Variants in ZNF398 observed in about 807,000 individuals in gnomAD.
ZNF398 encodes the protein zinc finger DNA binding protein ZER6.
A neutral mutation model predicts 41.9 loss-of-function variants in ZNF398; 18 were observed. That is an observed-to-expected ratio of 0.43 (90% confidence interval 0.30 to 0.64). The LOEUF (loss-of-function observed/expected upper bound fraction) is 0.64, where lower values mean the gene tolerates loss of function less well. Ranked by LOEUF, ZNF398 falls within the 30% of genes least tolerant of loss-of-function variation. The probability of loss-of-function intolerance (pLI) is 0.14; values close to 1 mark genes in which losing one functional copy is unlikely to be tolerated. For synonymous variants in ZNF398, 260 were observed against 308.8 expected (o/e 0.84, Z 1.66); for missense variants, 669 against 822.8 (o/e 0.81, Z 2.29).
chr7:149,155,719 T>A (rs1332814694), intron 2 of ZNF398, among the ~76,000 whole-genome samples: 2,712 of 37,576 alleles, frequency 0.072, 117 homozygotes, highest in African/African-American at 0.14. Flanking sequence ...TTTTTTTTTT[T>A]TTTTTTTTTT....
intron 4 of ZNF398, 63 bp from the exon 5 acceptor site, chr7:149,176,405 T>G (rs1568944): frequency 2.7e-6 from 3 of 1,116,388 alleles, no homozygotes; most frequent in Non-Finnish European, 4.1e-6. Flanking sequence ...GCAAACCAAC[T>G]TGATTATCTT....
intron 2 of ZNF398, among the ~76,000 whole-genome samples, chr7:149,163,432 G>A (rs897529056): frequency 1.4e-4 from 21 of 151,056 alleles, no homozygotes; most frequent in African/African-American, 4.9e-4. Context: ...AAGTACAATG[G>A]TGTGATCTCG....
chr7:149,136,185 A>C (rs150430645), intron 2 of ZNF398, among the ~76,000 whole-genome samples: 115 of 152,226 alleles, frequency 7.6e-4, no homozygotes, highest in African/African-American at 2.5e-3. Context: ...CTTTTAATTT[A>C]AAAGTAAAAT....
rs1030790662 is a variant in ZNF398 at position 149,167,628 on chromosome 7, T to C, written c.661+698T>C. ...TCCCATATAGTTATTTTTTTCTTTT[T>C]CTTTTCTTTTTTTTTTTTTTTTTTG... On this transcript the variant is annotated intron_variant, in intron 4 of 5. Transcript: ENST00000475153. Among the ~76,000 whole-genome samples the C allele has an allele frequency of 4.6e-5, 7 of 150,688 alleles. No individual in the cohort carries two copies. In the South Asian group the frequency reaches 1.5e-3, roughly 32 times the overall value.
chr7:149,151,154 C>G (rs961930473), intron 1 of ZNF398: 12 of 1,006,056 alleles, frequency 1.2e-5, no homozygotes, highest in African/African-American at 1.7e-5. Context: ...CCCCACTAAG[C>G]TTAGAAACCA....
At chr7:149,148,619 C>T (rs1012060810) in intron 1 of ZNF398, 4 of 358,442 alleles carry the variant, frequency 1.1e-5, no homozygotes, top group African/African-American at 8.9e-5. Context: ...ACTCTTGGAC[C>T]TGTTTTTCTT....
At chr7:149,145,290 T>C (rs1436709561), upstream of ZNF398, among the ~76,000 whole-genome samples, 3 of 152,154 alleles carry the variant, frequency 2.0e-5, no homozygotes, top group Admixed American at 1.3e-4. Context: ...ACCACACACA[T>C]GAAACCGCCC....
In ZNF398 at chr7:149,133,675, ATATACATATATATGTGTG is replaced by A. The variant is rs1466198819; in HGVS notation, c.-490+4736_-490+4753del. On this transcript the variant is annotated intron_variant, in intron 2 of 6. Coordinates refer to the ZNF398 transcript ENST00000426851. ...TTTAAATATATATATATATATATAT[ATATACATATATATGTGTG>A]TATATATATATACACACATATATAT... Among the ~76,000 whole-genome samples the A allele has an allele frequency of 8.7e-5, 4 of 46,190 alleles. No individual in the cohort carries two copies. In the East Asian group the frequency reaches 3.6e-3, roughly 41 times the overall value. 30.3% of individuals were successfully genotyped at this position (46,190 alleles called of 152,430 possible).
At chr7:149,134,175 C>G (rs942419439) in intron 2 of ZNF398, among the ~76,000 whole-genome samples, 2 of 151,198 alleles carry the variant, frequency 1.3e-5, no homozygotes, top group African/African-American at 4.9e-5. Context: ...AGCAATTCTC[C>G]TGCCTCAGCC....
intron 2 of ZNF398, among the ~76,000 whole-genome samples, chr7:149,156,723 T>C (rs1318514806): frequency 6.6e-6 from 1 of 151,334 alleles, no homozygotes; most frequent in Non-Finnish European, 1.5e-5. Context: ...TAGCTGGGCC[T>C]GGTGGCGCAT....
At chr7:149,126,562 A>G (rs1826482638) in exon 1 of ZNF398, 1 of 432,284 alleles carries the variant, frequency 2.3e-6, no homozygotes, top group Non-Finnish European at 4.1e-6. Flanking sequence ...ACGGAGGGGC[A>G]GGTGAACATG....
chr7:149,166,053 C>A, intron 2 of ZNF398, 105 bp from the exon 3 acceptor site: 2 of 1,232,264 alleles, frequency 1.6e-6, no homozygotes, highest in East Asian at 2.4e-5. Flanking sequence ...ATTTATTGAC[C>A]ACCCTTTGAA....
chr7:149,154,148 G>C lies in ZNF398; in HGVS notation c.228G>C (p.Lys76Asn). The C allele has an allele frequency of 6.2e-7, 1 of 1,614,186 alleles. No homozygotes were observed. Among genetic ancestry groups the C allele is most frequent in the Non-Finnish European group, 8.5e-7 (1 of 1,180,038 alleles). The change falls in exon 2 of 6, where the codon AAG becomes AAC. Residue 76 changes from lysine (K) to asparagine (N), a missense_variant. Physicochemically the swap from Lys to Asn is moderately conservative, Grantham distance 94. Coordinates refer to ENST00000475153, the MANE Select transcript of ZNF398 (RefSeq NM_170686.3). ...AAGGTCGGACAGGGACAGCAGAGAA[G>C]AAACTAGCCAGCTGTGAAAAGACAG... ...HLEGRTGTAE[K>N]KLASCEKTVT...
intron 4 of ZNF398, among the ~76,000 whole-genome samples, chr7:149,171,597 CCTGACCTCATGATCCACCCGCCT>C (rs1179130608): frequency 4.0e-5 from 6 of 151,886 alleles, no homozygotes; most frequent in South Asian, 2.1e-4. Flanking sequence ...GTCTCAAATT[CCTGACCTCATGATCCACCCGCCT>C]CTGACCTCAT....
At chr7:149,166,113 C>CT in intron 2 of ZNF398, 45 bp from the exon 3 acceptor site, 15 of 1,546,440 alleles carry the variant, frequency 9.7e-6, no homozygotes, top group Non-Finnish European at 1.3e-5. Context: ...TATTGAATGA[C>CT]TGAATTATAA....
chr7:149,157,255 C>T (rs746136921), intron 2 of ZNF398, among the ~76,000 whole-genome samples: 2 of 152,110 alleles, frequency 1.3e-5, no homozygotes, highest in Non-Finnish European at 1.5e-5. Context: ...CAGGACAGGG[C>T]GGGGCACGGT....
At chr7:149,158,560 C>T (rs529007175) in intron 2 of ZNF398, among the ~76,000 whole-genome samples, 5 of 152,154 alleles carry the variant, frequency 3.3e-5, no homozygotes, top group Admixed American at 2.0e-4. Context: ...CATGGCCTGG[C>T]GTGGTATCTC....
intron 1 of ZNF398, among the ~76,000 whole-genome samples, chr7:149,149,524 C>G (rs1036564851): frequency 6.6e-6 from 1 of 152,074 alleles, no homozygotes; most frequent in Non-Finnish European, 1.5e-5. Flanking sequence ...CCACCGCGCC[C>G]GGCCTCATGT....
chr7:149,156,239 G>T (rs897941642), intron 2 of ZNF398, among the ~76,000 whole-genome samples: 2 of 151,946 alleles, frequency 1.3e-5, no homozygotes, highest in African/African-American at 2.4e-5. Flanking sequence ...GGGTGCATTG[G>T]CTCACGCCTG....
Sources: allele counts gnomAD v4.1 joint callset (sites outside exome capture counted in the v4.1 genomes callset), GRCh38; gene constraint gnomAD v4.1.1; transcripts MANE v1.5; gene names NCBI Gene and HGNC (gene_info 2026-07-23, HGNC 2026-07-21).